ABLIM2: variants seen among roughly 807,000 people sequenced by gnomAD.
ABLIM2 encodes actin-binding LIM protein 2.
A neutral mutation model predicts 97.7 loss-of-function variants in ABLIM2; 53 were observed. That is an observed-to-expected ratio of 0.54 (90% CI 0.44 to 0.68). The LOEUF (loss-of-function observed/expected upper bound fraction) is 0.68. ABLIM2 is among the 30% of genes least tolerant of loss of function. The pLI, the probability that ABLIM2 is intolerant of heterozygous loss-of-function variation, is 0.00. For missense variants in ABLIM2, 835 were observed against 867.2 expected (o/e 0.96, Z 0.47); for synonymous variants, 361 against 345.8 (o/e 1.04, Z -0.49).
intron 1 of ABLIM2, among the ~76,000 whole-genome samples, chr4:8,114,619 C>G (rs770758054): frequency 6.6e-6 from 1 of 152,146 alleles, no homozygotes; most frequent in African/African-American, 2.4e-5. Context: ...GAACCGAGGA[C>G]GCTGCTCTCT....
chr4:7,970,443 T>C lies in ABLIM2; in HGVS notation c.1825-3340A>G, dbSNP rs1439545023. Among the ~76,000 whole-genome samples the C allele has an allele frequency of 1.3e-5, 2 of 151,968 alleles. No homozygotes were observed. The highest frequency in any genetic ancestry group is 4.8e-5 in the African/African-American group (2 of 41,372). On this transcript the variant is annotated intron_variant, in intron 20 of 20. Transcript: ENST00000447017. The surrounding 1 kb of genome is among the most constrained non-coding windows in gnomAD (Gnocchi z 5.3). ...GAGTGAGTGGTCTCTTGGGTTTAGC[T>C]GGCATCAGGTCTTTGCTGGAGGAGG... is the stretch of plus-strand genomic sequence containing the variant.
At chr4:8,104,777 C>T (rs1251880086) in intron 2 of ABLIM2, among the ~76,000 whole-genome samples, 2 of 152,172 alleles carry the variant, frequency 1.3e-5, no homozygotes, top group South Asian at 2.1e-4. Context: ...GCACCAGGGT[C>T]GGTTCTCAGA....
chr4:8,007,532 A>C, intron 16 of ABLIM2: 1 of 985,670 alleles, frequency 1.0e-6, no homozygotes, highest in Non-Finnish European at 1.2e-6. Flanking sequence ...TTTTCTCTAC[A>C]TTTGAAAATC....
chr4:8,126,509 A>C lies in ABLIM2; in HGVS notation c.11-19872T>G, dbSNP rs185400531. Among the ~76,000 whole-genome samples, 12 of 138,250 alleles carry C rather than the reference A, an allele frequency of 8.7e-5. No individual in the cohort carries two copies. The East Asian group carries it at 2.6e-3, about 30-fold the overall frequency. 90.7% of individuals were successfully genotyped at this position (138,250 alleles called of 152,430 possible). A position where few individuals can be genotyped will look rare whatever the true frequency, so the allele number is the denominator to read the frequency against. ...CCCTAGCCCCCCAGATTTTGCCATC[A>C]CCTTCACCCCACAGGCCGCCTGGTC... On this transcript the variant is annotated intron_variant, in intron 1 of 20. Transcript: ENST00000447017.
In ABLIM2 at chr4:8,020,846, CTTTTTTTT is replaced by C. The variant is rs34799650; in HGVS notation, c.1268-551_1268-544del. ...AGTAGTATCCATCCATTACCACATTCTTTTTTTTTTTTTTTTTTTTTTTGGGACAGTGT... is the reference window on the plus strand; with the variant it reads ...AGTAGTATCCATCCATTACCACATTCTTTTTTTTTTTTTTTGGGACAGTGT... On this transcript the variant is annotated intron_variant, in intron 12 of 20. Transcript: ENST00000447017. The C allele has an allele frequency of 1.2e-4, 11 of 94,742 alleles. No individual in the cohort carries two copies. In the South Asian group the frequency reaches 2.9e-3, roughly 25 times the overall value. 5.9% of individuals were successfully genotyped at this position (94,742 alleles called of 1,614,324 possible). A position where few individuals can be genotyped will look rare whatever the true frequency, so the allele number is the denominator to read the frequency against.
At chr4:8,099,447 G>A (rs1833382499) in intron 2 of ABLIM2, among the ~76,000 whole-genome samples, 1 of 152,176 alleles carries the variant, frequency 6.6e-6, no homozygotes, top group Non-Finnish European at 1.5e-5. Flanking sequence ...CCACTCCCGG[G>A]AGCACCAGGC....
chr4:8,152,239 A>G lies in ABLIM2; in HGVS notation c.10+6441T>C, dbSNP rs897470255. 3.3e-5 allele frequency among the ~76,000 whole-genome samples: 5 copies of G among 152,342 alleles called. 1 individual carries two copies. The highest frequency in any genetic ancestry group is 1.2e-4 in the African/African-American group (5 of 41,576). On this transcript the variant is annotated intron_variant, in intron 1 of 20. Coordinates refer to ENST00000447017, the MANE Select transcript of ABLIM2 (RefSeq NM_001130083.2). ...CGGCTAAAGCACGCAGGCAGGGGAT[A>G]GGCAGACAGCGCCCGCCTAGCCAGG... is the stretch of plus-strand genomic sequence containing the variant.
chr4:8,054,608 C>T lies in ABLIM2; in HGVS notation c.764-362G>A, dbSNP rs970783806. Among the ~76,000 whole-genome samples, 2 of 152,206 alleles carry T rather than the reference C, an allele frequency of 1.3e-5. No individual in the cohort carries two copies. On this transcript the variant is annotated intron_variant, in intron 7 of 20. Coordinates refer to ENST00000447017, the MANE Select transcript of ABLIM2 (RefSeq NM_001130083.2). The surrounding 1 kb of genome is among the most constrained non-coding windows in gnomAD (Gnocchi z 4.9). ...GGGTATTTGAAGGGGTTTCAAGTCC[C>T]TGCCTAGGATGTAGGATTGGCTGCC...
intron 1 of ABLIM2, among the ~76,000 whole-genome samples, chr4:8,126,540 G>A (rs1004931641): frequency 6.6e-6 from 1 of 150,940 alleles, no homozygotes; most frequent in Non-Finnish European, 1.5e-5. Context: ...TGGTCAACAC[G>A]CAGGATTGGA....
chr4:8,027,762 G>T lies in ABLIM2; in HGVS notation c.1264C>A (p.Arg422=). 3 of 1,581,612 alleles carry T rather than the reference G, an allele frequency of 1.9e-6. No individual in the cohort carries two copies. Among genetic ancestry groups the T allele is most frequent in the Non-Finnish European group, 2.6e-6 (3 of 1,164,184 alleles). The change falls in exon 12 of 21, where the codon CGA becomes AGA. Residue 422 remains arginine (R), a synonymous_variant. Coordinates refer to ENST00000447017, the MANE Select transcript of ABLIM2 (RefSeq NM_001130083.2). ...CCCACATCACTGCGTGCCTTACCTC[G>T]GAAGTAGGGGATGTAATGATGTCTG... is the stretch of plus-strand genomic sequence containing the variant. ...VFRHHYIPYF[R]GSESGRSTPS... is the part of the protein sequence containing the mutation.
chr4:8,071,693 A>G lies in ABLIM2; in HGVS notation c.675+5935T>C. On this transcript the variant is annotated intron_variant, in intron 6 of 20. Transcript: ENST00000447017. The surrounding 1 kb of genome is among the most constrained non-coding windows in gnomAD (Gnocchi z 6.2). ...ACACCTGACTGCTCTGTCCCCAAAAACCCACCCACCCGCAGCCCCTCCTGG... is the reference window on the plus strand; with the variant it reads ...ACACCTGACTGCTCTGTCCCCAAAAGCCCACCCACCCGCAGCCCCTCCTGG... 3 of 819,828 alleles carry G rather than the reference A, an allele frequency of 3.7e-6. No individual in the cohort carries two copies. The highest frequency in any genetic ancestry group is 4.4e-6 in the Non-Finnish European group (3 of 679,290). 50.8% of individuals were successfully genotyped at this position (819,828 alleles called of 1,614,324 possible). A position where few individuals can be genotyped will look rare whatever the true frequency, so the allele number is the denominator to read the frequency against.
rs1180257313 is a variant in ABLIM2, at chr4:8,021,490, G to A, written c.1268-1187C>T. On this transcript the variant is annotated intron_variant, in intron 12 of 20. Transcript: ENST00000447017. This position sits in a 1 kb window ranked among gnomAD's most constrained non-coding sequence, Gnocchi z 5.5. Reference sequence around the variant, plus strand: ...TAGGCAATGGGCTGCAAGGGGTAAGGCGCTCTTCACCTGAGAACGTTCCCT... The same window carrying A: ...TAGGCAATGGGCTGCAAGGGGTAAGACGCTCTTCACCTGAGAACGTTCCCT... Among the ~76,000 whole-genome samples the A allele has an allele frequency of 6.6e-6, 1 of 152,234 alleles. No homozygotes were observed. The highest frequency in any genetic ancestry group is 1.5e-5 in the Non-Finnish European group (1 of 68,048).
chr4:8,056,776 C>CA (rs1580039536), intron 7 of ABLIM2, among the ~76,000 whole-genome samples: 1 of 151,352 alleles, frequency 6.6e-6, no homozygotes, highest in East Asian at 2.0e-4. Context: ...ACTAAAAATA[C>CA]AAAAAATTAG....
intron 3 of ABLIM2, among the ~76,000 whole-genome samples, chr4:8,091,879 T>TTA (rs1554071363): frequency 6.3e-4 from 58 of 92,546 alleles, no homozygotes; most frequent in African/African-American, 2.2e-3. Context: ...ACAATATATA[T>TTA]TATAATATAT....
Position 8,143,164 on chromosome 4 carries a change from G to T in ABLIM2, c.10+15516C>A, listed in dbSNP as rs530823593. On this transcript the variant is annotated intron_variant, in intron 1 of 20. Coordinates refer to ENST00000447017, the MANE Select transcript of ABLIM2 (RefSeq NM_001130083.2). ...ACTGGGAGCGGGGGCGAGAGTGGGG[G>T]GGGGGGGCGTCTGCAAATGCATCTC... 3.4e-5 allele frequency among the ~76,000 whole-genome samples: 5 copies of T among 149,058 alleles called. No individual in the cohort carries two copies. The South Asian group carries it at 6.5e-4, about 20-fold the overall frequency.
chr4:8,015,009 C>G lies in ABLIM2; in HGVS notation c.1423+4609G>C, dbSNP rs1335473228. Reference sequence around the variant, plus strand: ...TAACTCGGCTCACTGCAACCTCCGCCTCCCAGGTTCAAGCAATTCTCGTAC... The same window carrying G: ...TAACTCGGCTCACTGCAACCTCCGCGTCCCAGGTTCAAGCAATTCTCGTAC... On this transcript the variant is annotated intron_variant, in intron 14 of 20. Coordinates refer to ENST00000447017, the MANE Select transcript of ABLIM2 (RefSeq NM_001130083.2). This position sits in a 1 kb window ranked among gnomAD's most constrained non-coding sequence, Gnocchi z 4.6. 6.6e-6 allele frequency among the ~76,000 whole-genome samples: 1 copy of G among 151,946 alleles called. No homozygotes were observed. The highest frequency in any genetic ancestry group is 2.4e-5 in the African/African-American group (1 of 41,342).
intron 11 of ABLIM2, among the ~76,000 whole-genome samples, chr4:8,029,046 G>T (rs1170855700): frequency 6.6e-6 from 1 of 152,036 alleles, no homozygotes; most frequent in African/African-American, 2.4e-5. Context: ...GAGTTTCACA[G>T]CTACAGGGAT....
In ABLIM2 at chr4:7,992,506, C is replaced by A. The variant is rs1333026314; in HGVS notation, c.1680+360G>T. Among the ~76,000 whole-genome samples the A allele has an allele frequency of 1.3e-5, 2 of 152,046 alleles. No homozygotes were observed. On this transcript the variant is annotated intron_variant, in intron 17 of 20. Coordinates refer to ENST00000447017, the MANE Select transcript of ABLIM2 (RefSeq NM_001130083.2). This position sits in a 1 kb window ranked among gnomAD's most constrained non-coding sequence, Gnocchi z 5.7. Reference sequence around the variant, plus strand: ...CACACTGGCTCACCAAATGCAACAGCCCTTGGTTATCAGGCTCTGTGCCAT... The same window carrying A: ...CACACTGGCTCACCAAATGCAACAGACCTTGGTTATCAGGCTCTGTGCCAT...
Position 8,120,492 on chromosome 4 carries a change from G to A in ABLIM2, c.11-13855C>T, listed in dbSNP as rs558060180. ...ACCAGAGGGAACCCAACATGAAGACGCGGGAGAAGATGGCGACTTAGATGC... is the reference window on the plus strand; with the variant it reads ...ACCAGAGGGAACCCAACATGAAGACACGGGAGAAGATGGCGACTTAGATGC... On this transcript the variant is annotated intron_variant, in intron 1 of 20. Coordinates refer to ENST00000447017, the MANE Select transcript of ABLIM2 (RefSeq NM_001130083.2). This position sits in a 1 kb window ranked among gnomAD's most constrained non-coding sequence, Gnocchi z 5.6. 5.9e-5 allele frequency among the ~76,000 whole-genome samples: 9 copies of A among 152,136 alleles called. No homozygotes were observed. The highest frequency in any genetic ancestry group is 3.4e-3 in the Middle Eastern group (1 of 294).
Sources: gnomAD v4.1 joint callset for allele counts (sites outside exome capture counted in the v4.1 genomes callset) on GRCh38, gnomAD v4.1.1 for gene constraint, Gnocchi (gnomAD v3.1) non-coding constraint, MANE v1.5 for transcripts, NCBI Gene and HGNC (gene_info 2026-07-23, HGNC 2026-07-21) for gene names.